The following CECR2 variants were observed in gnomAD, a reference collection of about 807,000 sequenced individuals.
CECR2 encodes the protein CECR2 histone acetyl-lysine reader, also known as chromatin remodeling regulator CECR2.
A neutral mutation model predicts 154.5 loss-of-function variants in CECR2; 30 were observed. The ratio of observed to expected loss-of-function variants is 0.19; its 90% CI spans 0.15 to 0.26. The LOEUF (loss-of-function observed/expected upper bound fraction) is 0.26, where lower values mean the gene tolerates loss of function less well. Among genes scored for constraint, CECR2 ranks in the 10% least tolerant of loss-of-function variants. The pLI is 1.00. For synonymous variants in CECR2, 725 were observed against 683.7 expected (o/e 1.06, Z -0.94); for missense variants, 1,743 against 1,829.3 (o/e 0.95, Z 0.86).
chr22:17,457,249 A>G lies in CECR2; in HGVS notation c.127-20339A>G, dbSNP rs536930284. 2.6e-5 allele frequency among the ~76,000 whole-genome samples: 4 copies of G among 152,328 alleles called. No homozygotes were observed. The East Asian group carries it at 5.8e-4, about 22-fold the overall frequency. On this transcript the variant is annotated intron_variant, in intron 1 of 18. Transcript: ENST00000262608. ...TCCACGTTGGTCAGGCTGGTCTGGA[A>G]CTGCTGACCTCAGGTGATCCACCCG... is the stretch of plus-strand genomic sequence containing the variant.
At chr22:17,422,352 C>T (rs1460742811) in intron 1 of CECR2, among the ~76,000 whole-genome samples, 3 of 152,124 alleles carry the variant, frequency 2.0e-5, no homozygotes, top group Non-Finnish European at 4.4e-5. Context: ...CGCGCGCCAC[C>T]AGGCCCAGCT....
chr22:17,365,662 C>G (rs956322198), upstream of CECR2, among the ~76,000 whole-genome samples: 1 of 152,120 alleles, frequency 6.6e-6, no homozygotes, highest in African/African-American at 2.4e-5. Flanking sequence ...CACCACTGCA[C>G]TCCAGCCTGG....
chr22:17,496,738 G>A (rs2055636067), intron 2 of CECR2, among the ~76,000 whole-genome samples: 2 of 152,060 alleles, frequency 1.3e-5, no homozygotes, highest in Non-Finnish European at 1.5e-5. Flanking sequence ...ACTTTGTACT[G>A]TCTGAACCGC....
chr22:17,436,045 G>A (rs565416929), intron 1 of CECR2, among the ~76,000 whole-genome samples: 3 of 152,040 alleles, frequency 2.0e-5, no homozygotes, highest in African/African-American at 7.2e-5. Flanking sequence ...TGCAACCTCC[G>A]CCTCCTGAGT....
intron 1 of CECR2, among the ~76,000 whole-genome samples, chr22:17,415,644 A>AGC (rs2054146745): frequency 6.6e-6 from 1 of 152,170 alleles, no homozygotes; most frequent in South Asian, 2.1e-4. Context: ...AGTGTAGGGA[A>AGC]GCCTCCGACA....
intron 1 of CECR2, among the ~76,000 whole-genome samples, chr22:17,423,368 G>T (rs2054285372): frequency 6.6e-6 from 1 of 152,076 alleles, no homozygotes; most frequent in African/African-American, 2.4e-5. Flanking sequence ...TTAGTTGTGT[G>T]TGGTGGCACA....
intron 1 of CECR2, among the ~76,000 whole-genome samples, chr22:17,428,798 T>TGTGTGTGTGTGTGTGTG (rs2054371930): frequency 2.2e-5 from 3 of 136,336 alleles, no homozygotes; most frequent in African/African-American, 8.7e-5. Context: ...ATGTTTTTAT[T>TGTGTGTGTGTGTGTGTG]TGTGTGTGTG....
intron 1 of CECR2, among the ~76,000 whole-genome samples, chr22:17,407,610 A>G (rs933774648): frequency 6.6e-6 from 1 of 151,652 alleles, no homozygotes; most frequent in Non-Finnish European, 1.5e-5. Flanking sequence ...AAAAAAAGCC[A>G]TGAATTAGAG....
intron 1 of CECR2, among the ~76,000 whole-genome samples, chr22:17,444,245 C>T (rs1039349258): frequency 6.6e-6 from 1 of 152,254 alleles, no homozygotes; most frequent in Non-Finnish European, 1.5e-5. Flanking sequence ...TAATACAGTT[C>T]GTGTTAATTC....
upstream of CECR2, among the ~76,000 whole-genome samples, chr22:17,368,117 T>C (rs2063012773): frequency 6.6e-6 from 1 of 152,110 alleles, no homozygotes; most frequent in South Asian, 2.1e-4. Flanking sequence ...ACTCTAACCA[T>C]TTAAAATTAT....
At chr22:17,416,001 A>G (rs2054151918) in intron 1 of CECR2, among the ~76,000 whole-genome samples, 1 of 152,158 alleles carries the variant, frequency 6.6e-6, no homozygotes, top group South Asian at 2.1e-4. Context: ...CTGGGAAGAA[A>G]CTGTTTTTAG....
intron 1 of CECR2, among the ~76,000 whole-genome samples, chr22:17,428,727 C>T (rs5992698): frequency 0.48 from 73,268 of 151,564 alleles, 18,177 homozygotes; most frequent in African/African-American, 0.59. Context: ...ATCCTCTTGA[C>T]TCAGCCTCTG....
At chr22:17,481,674 C>G (rs1352564960) in intron 2 of CECR2, among the ~76,000 whole-genome samples, 1 of 152,198 alleles carries the variant, frequency 6.6e-6, no homozygotes, top group Non-Finnish European at 1.5e-5. Context: ...TCATGTACGA[C>G]AGTGGTCACA....
intron 1 of CECR2, among the ~76,000 whole-genome samples, chr22:17,386,441 G>T (rs777498597): frequency 1.8e-4 from 27 of 152,108 alleles, no homozygotes; most frequent in Non-Finnish European, 3.7e-4. Flanking sequence ...TCCTTCATTT[G>T]GTGTTGTATT....
intron 1 of CECR2, among the ~76,000 whole-genome samples, chr22:17,468,117 A>T (rs1326652215): frequency 2.6e-5 from 4 of 152,178 alleles, no homozygotes; most frequent in Non-Finnish European, 5.9e-5. Context: ...GTGGAAGATA[A>T]CAGCAGGTGC....
chr22:17,542,092 A>T (rs2056532953), intron 15 of CECR2, 65 bp from the exon 16 acceptor site: 1 of 1,575,100 alleles, frequency 6.3e-7, no homozygotes. Flanking sequence ...TCCCATAGAG[A>T]AGCATGGCAC....
chr22:17,458,435 GA>G (rs2054887400), intron 1 of CECR2, among the ~76,000 whole-genome samples: 1 of 148,632 alleles, frequency 6.7e-6, no homozygotes, highest in African/African-American at 2.5e-5. Flanking sequence ...AAAAAGCATA[GA>G]ACCACATAAC....
chr22:17,416,397 T>C (rs2054156947), intron 1 of CECR2, among the ~76,000 whole-genome samples: 1 of 152,182 alleles, frequency 6.6e-6, no homozygotes, highest in African/African-American at 2.4e-5. Context: ...CCCTCAGATA[T>C]TGACAAATTG....
intron 1 of CECR2, among the ~76,000 whole-genome samples, chr22:17,361,900 C>T (rs560710049): frequency 6.6e-6 from 1 of 152,038 alleles, no homozygotes; most frequent in South Asian, 2.1e-4. Flanking sequence ...GCATAGCAGC[C>T]CTATAGGCTC....
Sources: gnomAD v4.1 joint callset for allele counts (sites outside exome capture counted in the v4.1 genomes callset) on GRCh38, gnomAD v4.1.1 for gene constraint, MANE v1.5 for transcripts, NCBI Gene and HGNC (gene_info 2026-07-23, HGNC 2026-07-21) for gene names.